TMEM131L: variants seen among roughly 807,000 people sequenced by gnomAD.
TMEM131L encodes the protein transmembrane protein 131-like.
In TMEM131L, 54 loss-of-function variants were observed where a neutral mutation model predicts 192.2. The ratio of observed to expected loss-of-function variants is 0.28; its 90% CI spans 0.23 to 0.35. TMEM131L has a LOEUF of 0.35. TMEM131L is among the 10% of genes least tolerant of loss of function. The probability of loss-of-function intolerance (pLI) is 1.00; values close to 1 mark genes in which losing one functional copy is unlikely to be tolerated. For missense variants in TMEM131L, 1,888 were observed against 1,972.9 expected (o/e 0.96, Z 0.82); for synonymous variants, 701 against 704.9 (o/e 0.99, Z 0.09).
chr4:153,479,889 ACTT>A (rs1731799731), intron 3 of TMEM131L, among the ~76,000 whole-genome samples: 1 of 152,230 alleles, frequency 6.6e-6, no homozygotes, highest in African/African-American at 2.4e-5. Flanking sequence ...GAGTGGAACT[ACTT>A]CTCACTTTTC....
chr4:153,551,595 A>G (rs1737626659), intron 4 of TMEM131L, among the ~76,000 whole-genome samples: 4 of 152,036 alleles, frequency 2.6e-5, no homozygotes, highest in Admixed American at 2.0e-4. Flanking sequence ...ACCTCAAGTG[A>G]TACGCCCTCC....
chr4:153,533,988 A>T (rs1736118499), intron 3 of TMEM131L, among the ~76,000 whole-genome samples: 1 of 152,200 alleles, frequency 6.6e-6, no homozygotes, highest in Admixed American at 6.5e-5. Flanking sequence ...GATTTGGTGA[A>T]GGTTTTGGTT....
At chr4:153,471,074 G>T (rs538576872) in intron 2 of TMEM131L, among the ~76,000 whole-genome samples, 2 of 151,182 alleles carry the variant, frequency 1.3e-5, no homozygotes, top group Admixed American at 1.3e-4. Flanking sequence ...TGCAACCTCC[G>T]CCTCCTGGGT....
chr4:153,595,589 G>A (rs1731375179), intron 19 of TMEM131L, among the ~76,000 whole-genome samples: 2 of 151,898 alleles, frequency 1.3e-5, no homozygotes, highest in South Asian at 4.2e-4. Flanking sequence ...TCTAAGAAGT[G>A]ATACATTGCA....
rs909506729 is a variant in TMEM131L at position 153,587,685 on chromosome 4, G to T, written c.1483-57G>T. 10 of 1,296,108 alleles carry T rather than the reference G, an allele frequency of 7.7e-6. No individual in the cohort carries two copies. The African/African-American group carries it at 1.5e-4, about 19-fold the overall frequency. The allele number at this position is 1,296,108 out of a possible 1,614,324, so 80.3% of individuals were successfully genotyped here. A position where few individuals can be genotyped will look rare whatever the true frequency, so the allele number is the denominator to read the frequency against. On this transcript the variant is annotated intron_variant, in intron 14 of 34. Coordinates refer to ENST00000409959, the MANE Select transcript of TMEM131L (RefSeq NM_001131007.2). Reference sequence around the variant, plus strand: ...GTCTGCTTTGAATTTTAGTGCATTAGAATTTTTATGTTTAGTGCTGTGTTT... The same window carrying T: ...GTCTGCTTTGAATTTTAGTGCATTATAATTTTTATGTTTAGTGCTGTGTTT...
At chr4:153,485,424 G>GC (rs1489882456) in intron 3 of TMEM131L, among the ~76,000 whole-genome samples, 1 of 152,112 alleles carries the variant, frequency 6.6e-6, no homozygotes, top group Non-Finnish European at 1.5e-5. Context: ...AAGATGATTT[G>GC]CCCCCCTGTG....
chr4:153,578,921 G>A (rs1392366317), intron 7 of TMEM131L, among the ~76,000 whole-genome samples: 4 of 152,030 alleles, frequency 2.6e-5, no homozygotes, highest in Non-Finnish European at 2.9e-5. Context: ...GCCTCCCAAA[G>A]TGCTGGGATT....
chr4:153,489,255 G>A (rs1247383797), intron 3 of TMEM131L, among the ~76,000 whole-genome samples: 1 of 152,068 alleles, frequency 6.6e-6, no homozygotes, highest in Non-Finnish European at 1.5e-5. Flanking sequence ...TGTGTGAAGC[G>A]ATCCACTGTG....
chr4:153,632,468 C>G (rs1216509736), intron 31 of TMEM131L: 1 of 464,726 alleles, frequency 2.2e-6, no homozygotes, highest in African/African-American at 2.0e-5. Flanking sequence ...AAAGTAGTTC[C>G]TCAAATATTT....
At chr4:153,628,063 G>C (rs1223029689) in intron 31 of TMEM131L, among the ~76,000 whole-genome samples, 3 of 152,230 alleles carry the variant, frequency 2.0e-5, no homozygotes, top group Non-Finnish European at 4.4e-5. Flanking sequence ...GCTGATTGGG[G>C]AGTGTGCCTA....
At chr4:153,582,433 G>GTTTTTTTTTTTTT (rs1038256479) in intron 9 of TMEM131L, among the ~76,000 whole-genome samples, 34 of 40,326 alleles carry the variant, frequency 8.4e-4, no homozygotes, top group Non-Finnish European at 1.2e-3. Flanking sequence ...TTTTTTTGTT[G>GTTTTTTTTTTTTT]TTTTTTTTTT....
intron 3 of TMEM131L, among the ~76,000 whole-genome samples, chr4:153,526,862 GGTAAATTGTTCT>G (rs1271719536): frequency 6.6e-6 from 1 of 152,158 alleles, no homozygotes; most frequent in African/African-American, 2.4e-5. Flanking sequence ...ACAGAGGAGG[GGTAAATTGTTCT>G]GGTAATTAAG....
At chr4:153,537,040 C>G (rs1736389319) in intron 3 of TMEM131L, among the ~76,000 whole-genome samples, 1 of 152,190 alleles carries the variant, frequency 6.6e-6, no homozygotes, top group African/African-American at 2.4e-5. Flanking sequence ...GGTGGGTCTG[C>G]CTTTCCCAGC....
At chr4:153,575,817 C>T (rs1242301279) in intron 7 of TMEM131L, among the ~76,000 whole-genome samples, 1 of 152,168 alleles carries the variant, frequency 6.6e-6, no homozygotes, top group Non-Finnish European at 1.5e-5. Context: ...CCCAGGCTCA[C>T]TCTGGATGAG....
intron 7 of TMEM131L, among the ~76,000 whole-genome samples, chr4:153,559,597 C>T (rs1021654089): frequency 1.3e-5 from 2 of 152,102 alleles, no homozygotes; most frequent in African/African-American, 4.8e-5. Context: ...GAACAGCGTA[C>T]CCATTCTCTC....
chr4:153,578,522 G>T (rs987425940), intron 7 of TMEM131L, among the ~76,000 whole-genome samples: 3 of 127,792 alleles, frequency 2.3e-5, no homozygotes, highest in African/African-American at 5.9e-5. Context: ...TGCCCAGCTA[G>T]TTTTTTTTTT....
chr4:153,505,334 C>T (rs183287021), intron 3 of TMEM131L, among the ~76,000 whole-genome samples: 1 of 152,206 alleles, frequency 6.6e-6, no homozygotes, highest in African/African-American at 2.4e-5. Context: ...TCTCAAACTC[C>T]TGACCTCGTG....
rs182264185 is a variant in TMEM131L at position 153,513,213 on chromosome 4, C to T, written c.240-36860C>T. ...GGCCTAATGGAAAAATAAAGTTTGGCGTTTGCCTTTTTTGTTGCCTTCGCC... is the reference window on the plus strand; with the variant it reads ...GGCCTAATGGAAAAATAAAGTTTGGTGTTTGCCTTTTTTGTTGCCTTCGCC... On this transcript the variant is annotated intron_variant, in intron 3 of 34. Coordinates refer to ENST00000409959, the MANE Select transcript of TMEM131L (RefSeq NM_001131007.2). Among the ~76,000 whole-genome samples the T allele has an allele frequency of 5.2e-4, 79 of 152,212 alleles. No homozygotes were observed. The East Asian group carries it at 0.015, about 29-fold the overall frequency.
At chr4:153,608,928 C>T (rs367617844) in intron 25 of TMEM131L, among the ~76,000 whole-genome samples, 7 of 152,240 alleles carry the variant, frequency 4.6e-5, no homozygotes, top group African/African-American at 9.6e-5. Context: ...AAGTGTACAT[C>T]GTGAAACCAT....
Sources: allele counts gnomAD v4.1 joint callset (sites outside exome capture counted in the v4.1 genomes callset), GRCh38; gene constraint gnomAD v4.1.1; transcripts MANE v1.5; gene names NCBI Gene and HGNC (gene_info 2026-07-23, HGNC 2026-07-21).